Variants in MDM1 observed in about 807,000 individuals in gnomAD.
MDM1 encodes the protein Mdm1 nuclear protein.
Under a neutral mutation model 89.1 loss-of-function variants are expected in MDM1, and 61 were observed. The ratio of observed to expected loss-of-function variants is 0.68; its 90% CI spans 0.56 to 0.85. MDM1 has a LOEUF of 0.85. Among genes scored for constraint, MDM1 ranks in the 40% least tolerant of loss-of-function variants. The pLI is 0.00. For synonymous variants in MDM1, 290 were observed against 294.1 expected, an observed-to-expected ratio of 0.99 and a Z score of 0.14; for missense variants, 820 against 846.5, an observed-to-expected ratio of 0.97 and a Z score of 0.39.
intron 12 of MDM1, among the ~76,000 whole-genome samples, chr12:68,303,274 AAAT>A (rs1167076151): frequency 6.6e-6 from 1 of 152,214 alleles, no homozygotes; most frequent in African/African-American, 2.4e-5. Flanking sequence ...ACTAATGATC[AAAT>A]AATTATAAAA....
chr12:68,306,969 A>T (rs932636178), intron 12 of MDM1, among the ~76,000 whole-genome samples: 4 of 152,236 alleles, frequency 2.6e-5, no homozygotes, highest in Non-Finnish European at 5.9e-5. Flanking sequence ...GATTAGATAA[A>T]GAAAATGTAG....
intron 4 of MDM1, 82 bp downstream of exon 4, chr12:68,325,359 C>T (rs988737020): frequency 1.0e-5 from 14 of 1,381,938 alleles, no homozygotes; most frequent in Admixed American, 2.9e-5. Flanking sequence ...TACTTAATTT[C>T]TTTCAACTCT....
chr12:68,332,084 G>A, intron 1 of MDM1, 144 bp downstream of exon 1: 1 of 1,142,128 alleles, frequency 8.8e-7, no homozygotes, highest in South Asian at 1.3e-5. Context: ...GCAGATTCTG[G>A]GGCCCCTCGA....
intron 1 of MDM1, 150 bp downstream of exon 1, chr12:68,332,078 A>C (rs1876913747): frequency 2.8e-6 from 3 of 1,080,774 alleles, no homozygotes; most frequent in South Asian, 2.7e-5. Context: ...CGGCGGGCAG[A>C]TTCTGGGGCC....
At chr12:68,323,768 A>AT (rs1875569356) in intron 4 of MDM1, among the ~76,000 whole-genome samples, 1 of 152,204 alleles carries the variant, frequency 6.6e-6, no homozygotes. Flanking sequence ...ATTTCACGGC[A>AT]TATTACCACT....
At chr12:68,306,268 A>C (rs1158298849) in intron 12 of MDM1, among the ~76,000 whole-genome samples, 1 of 151,318 alleles carries the variant, frequency 6.6e-6, no homozygotes, top group African/African-American at 2.5e-5. Flanking sequence ...AAATTAACTC[A>C]AGATGGATTA....
chr12:68,302,996 G>C, intron 12 of MDM1, 124 bp from the exon 13 acceptor site: 1 of 763,146 alleles, frequency 1.3e-6, no homozygotes, highest in Non-Finnish European at 2.0e-6. Flanking sequence ...GAGAATTTAT[G>C]CAACATCTAT....
chr12:68,304,854 T>C (rs1213750209), intron 12 of MDM1, among the ~76,000 whole-genome samples: 1 of 152,220 alleles, frequency 6.6e-6, no homozygotes, highest in Non-Finnish European at 1.5e-5. Context: ...TCCTATTTGC[T>C]TTGTTGCTTC....
intron 7 of MDM1, among the ~76,000 whole-genome samples, chr12:68,317,986 C>G (rs1017074812): frequency 6.6e-6 from 1 of 152,144 alleles, no homozygotes; most frequent in Admixed American, 6.6e-5. Flanking sequence ...ATTGCACATG[C>G]CCTCCTCCTC....
chr12:68,309,076 A>G (rs553538421), intron 12 of MDM1, among the ~76,000 whole-genome samples: 3 of 152,326 alleles, frequency 2.0e-5, no homozygotes, highest in African/African-American at 7.2e-5. Flanking sequence ...ATCTTGCAAA[A>G]CATATATCCA....
At position 68,321,376 on chromosome 12, in the gene MDM1, T is replaced by C. The variant is rs746285675; in HGVS notation, c.976A>G (p.Thr326Ala). 3.7e-6 allele frequency: 6 copies of C among 1,613,862 alleles called. No homozygotes were observed. The highest frequency in any genetic ancestry group is 5.1e-6 in the Non-Finnish European group (6 of 1,179,890). Residue 326 changes from threonine (T) to alanine (A), a missense_variant, in exon 7 of 15, where the codon ACA becomes GCA. By Grantham distance (58) the Thr-to-Ala change is moderately conservative (BLOSUM62 0). Coordinates refer to ENST00000682720, the MANE Select transcript of MDM1 (RefSeq NM_001354969.2). ...AQYLYKAGAW[T>A]HVKGNMPNQG... is the part of the protein sequence containing the mutation. ...TTTGGCATGTTTCCCTTTACATGTG[T>C]CCAAGCCCCAGCTTTATATAAATAC...
rs543134248 is a variant in MDM1, at chr12:68,323,184, A to G, written c.690T>C (p.His230=). The change falls in exon 5 of 15, where the codon CAT becomes CAC. Residue 230 remains histidine, a synonymous_variant. Transcript: ENST00000682720. ...TGAAATTTCTTTTGTATTCAGTTTC[A>G]TGGATGACTGAGTTACCTTTGAATG... ...VPPFKGNSVI[H]ETEYKRNFKG... 4.3e-6 allele frequency: 7 copies of G among 1,609,862 alleles called. No individual in the cohort carries two copies. The African/African-American group carries it at 9.4e-5, about 22-fold the overall frequency.
intron 12 of MDM1, 117 bp downstream of exon 12, chr12:68,313,326 T>C: frequency 1.4e-6 from 1 of 733,724 alleles, no homozygotes; most frequent in Non-Finnish European, 2.2e-6. Context: ...GTTAACAGTA[T>C]CATCTCCTCA....
chr12:68,314,649 C>T (rs996405067), intron 10 of MDM1, among the ~76,000 whole-genome samples: 5 of 152,142 alleles, frequency 3.3e-5, no homozygotes, highest in African/African-American at 1.2e-4. Context: ...AGTCATTCTT[C>T]CAGACACATT....
At position 68,323,291 on chromosome 12, in the gene MDM1, C is replaced by T. The variant is rs774623223; in HGVS notation, c.634-51G>A. ...AGTTTTGTTGATTAAATATGCGGAA[C>T]TTTGGTCTTCAATTACTTAACAAAA... On this transcript the variant is annotated intron_variant, in intron 4 of 14. Transcript: ENST00000682720. 4.4e-6 allele frequency: 6 copies of T among 1,350,734 alleles called. No homozygotes were observed. The South Asian group carries it at 8.5e-5, about 19-fold the overall frequency. 83.7% of individuals were successfully genotyped at this position (1,350,734 alleles called of 1,614,324 possible). A position where few individuals can be genotyped will look rare whatever the true frequency, so the allele number is the denominator to read the frequency against.
chr12:68,305,823 C>T (rs566540557), intron 12 of MDM1, among the ~76,000 whole-genome samples: 79 of 150,948 alleles, frequency 5.2e-4, no homozygotes, highest in African/African-American at 1.9e-3. Flanking sequence ...GCCATACTGT[C>T]TAAAGTAACT....
At chr12:68,331,244 G>GC in intron 1 of MDM1, 23 bp from the exon 2 acceptor site, 2 of 1,237,002 alleles carry the variant, frequency 1.6e-6, no homozygotes, top group South Asian at 1.2e-5. Flanking sequence ...GTACACTTTT[G>GC]AGTACAGTCC....
At chr12:68,321,761 T>TA in intron 5 of MDM1, 133 bp from the exon 6 acceptor site, 2 of 521,350 alleles carry the variant, frequency 3.8e-6, no homozygotes, top group Non-Finnish European at 6.5e-6. Flanking sequence ...CTAAAGAAAA[T>TA]AAAAACCATA....
chr12:68,331,674 G>A (rs917469393), intron 1 of MDM1, among the ~76,000 whole-genome samples: 3 of 152,192 alleles, frequency 2.0e-5, no homozygotes, highest in African/African-American at 7.2e-5. Flanking sequence ...AGATAAATGA[G>A]TCAGGAGATG....
Sources: allele counts gnomAD v4.1 joint callset (sites outside exome capture counted in the v4.1 genomes callset), GRCh38; gene constraint gnomAD v4.1.1; transcripts MANE v1.5; gene names NCBI Gene and HGNC (gene_info 2026-07-23, HGNC 2026-07-21).